Variants in RABGEF1 observed in about 807,000 individuals in gnomAD.
RABGEF1 encodes RAB guanine nucleotide exchange factor 1.
In RABGEF1, 26 loss-of-function variants were observed where a neutral mutation model predicts 57.3. The ratio of observed to expected loss-of-function variants is 0.45; its 90% CI spans 0.33 to 0.63. The LOEUF (loss-of-function observed/expected upper bound fraction) is 0.63. Ranked by LOEUF, RABGEF1 falls within the 20% of genes least tolerant of loss-of-function variation. RABGEF1 has a pLI of 0.02. For synonymous variants in RABGEF1, 185 were observed against 210.7 expected, an observed-to-expected ratio of 0.88 and a Z score of 1.06; for missense variants, 464 against 607.6, an observed-to-expected ratio of 0.76 and a Z score of 2.48.
At chr7:66,721,300 T>C (rs563324346) in intron 2 of RABGEF1, among the ~76,000 whole-genome samples, 26 of 152,356 alleles carry the variant, frequency 1.7e-4, no homozygotes, top group Admixed American at 5.9e-4. Flanking sequence ...ATTAGTGTCT[T>C]ACTGCTACTC....
intron 1 of RABGEF1, among the ~76,000 whole-genome samples, chr7:66,753,701 G>GTTTTTTTTTTTTTTTTTTT (rs1224800315): frequency 2.5e-5 from 2 of 78,772 alleles, no homozygotes; most frequent in East Asian, 5.0e-4. Context: ...TTTTGCCATC[G>GTTTTTTTTTTTTTTTTTTT]TTTTTTTTTT....
intron 2 of RABGEF1, among the ~76,000 whole-genome samples, chr7:66,717,485 T>C (rs62466789): frequency 0.039 from 5,996 of 152,194 alleles, 165 homozygotes; most frequent in East Asian, 0.085. Flanking sequence ...GGCCAGGGCG[T>C]GGTGGCTCAC....
At chr7:66,703,930 C>G (rs192742416) in intron 1 of RABGEF1, among the ~76,000 whole-genome samples, 1 of 152,156 alleles carries the variant, frequency 6.6e-6, no homozygotes, top group African/African-American at 2.4e-5. Context: ...GAACATGGGA[C>G]GCTTTCCCAT....
intron 1 of RABGEF1, among the ~76,000 whole-genome samples, chr7:66,705,415 C>T (rs1793867735): frequency 8.4e-6 from 1 of 118,976 alleles, no homozygotes; most frequent in Non-Finnish European, 1.6e-5. Context: ...CCAGCCTGGG[C>T]AACAGAGCGA....
chr7:66,709,689 C>T (rs1333442562), intron 1 of RABGEF1, among the ~76,000 whole-genome samples: 13 of 152,068 alleles, frequency 8.5e-5, no homozygotes, highest in African/African-American at 2.2e-4. Context: ...GCAGGAGAAT[C>T]GCTTGAACCT....
At chr7:66,676,071 A>G in the RABGEF1 span, among the ~76,000 whole-genome samples, 2 of 152,158 alleles carry the variant, frequency 1.3e-5, no homozygotes, top group Non-Finnish European at 2.9e-5. Context: ...CTCTAATCCC[A>G]GCACTTTGGG....
At chr7:66,745,785 A>T (rs1800078730) in intron 1 of RABGEF1, among the ~76,000 whole-genome samples, 1 of 151,656 alleles carries the variant, frequency 6.6e-6, no homozygotes, top group Admixed American at 6.6e-5. Context: ...AAAAAAAAAA[A>T]AGTGATCACA....
chr7:66,670,335 T>G, the RABGEF1 span, among the ~76,000 whole-genome samples: 1 of 151,908 alleles, frequency 6.6e-6, no homozygotes, highest in Non-Finnish European at 1.5e-5. Flanking sequence ...TTGTTTGAGA[T>G]GGAGTCTCAT....
intron 3 of RABGEF1, among the ~76,000 whole-genome samples, 155 bp from the exon 4 acceptor site, chr7:66,783,520 G>A (rs1048522723): frequency 4.0e-4 from 61 of 152,140 alleles, no homozygotes; most frequent in Non-Finnish European, 7.1e-4. Flanking sequence ...TTTACTTTAA[G>A]GAAAGTTGTC....
At position 66,709,411 on chromosome 7, in the gene RABGEF1, A is replaced by C. The variant is rs145248247; in HGVS notation, c.-872-2756A>C. On this transcript the variant is annotated intron_variant and NMD_transcript_variant, in intron 1 of 9. Coordinates refer to the RABGEF1 transcript ENST00000607882. ...AATTTTCCTACCCATTACAGTGTACATAAGCATCACTATAACTAGTGCTAT... is the reference window on the plus strand; with the variant it reads ...AATTTTCCTACCCATTACAGTGTACCTAAGCATCACTATAACTAGTGCTAT... 4.8e-3 allele frequency among the ~76,000 whole-genome samples: 725 copies of C among 152,348 alleles called. 5 individuals are homozygous for C. Among genetic ancestry groups the C allele is most frequent in the Non-Finnish European group, 7.6e-3 (515 of 68,042 alleles).
intron 1 of RABGEF1, among the ~76,000 whole-genome samples, chr7:66,701,712 T>C (rs1273229548): frequency 6.6e-6 from 1 of 152,060 alleles, no homozygotes; most frequent in Non-Finnish European, 1.5e-5. Context: ...TTTCACCATG[T>C]TGGCCAGGCT....
In RABGEF1 at chr7:66,809,040, A is replaced by G. The variant is rs200112167; in HGVS notation, c.1232A>G (p.Tyr411Cys). Residue 411 changes from tyrosine to cysteine, a missense_variant, in exon 9 of 9, where the codon TAT (tyrosine) becomes TGT (cysteine). By Grantham distance (194) the Tyr-to-Cys change is radical. This residue lies in a region of RABGEF1 where 151 missense variants were observed against 152.2 expected (regional missense o/e 0.99). Coordinates refer to ENST00000284957, the MANE Select transcript of RABGEF1 (RefSeq NM_014504.3). ...PDACLGVKQM[Y>C]KNLDLLSQLN... ...GCTTGCTTAGGCGTCAAGCAAATGT[A>G]TAAGAACTTGGATCTCTTGTCTCAG... The G allele has an allele frequency of 5.3e-5, 86 of 1,614,200 alleles. No individual in the cohort carries two copies. The highest frequency in any genetic ancestry group is 6.7e-5 in the African/African-American group (5 of 75,062).
the RABGEF1 span, among the ~76,000 whole-genome samples, chr7:66,660,461 C>T: frequency 1.3e-5 from 2 of 151,818 alleles, no homozygotes; most frequent in Non-Finnish European, 2.9e-5. Context: ...AATTGAATAA[C>T]CAAATGAAAT....
rs925113306 is a variant in RABGEF1 at position 66,742,611 on chromosome 7, AATTT to A, written c.-18+1827_-18+1830del. On this transcript the variant is annotated intron_variant, in intron 1 of 8. Coordinates refer to ENST00000284957, the MANE Select transcript of RABGEF1 (RefSeq NM_014504.3). ...CAGTAACTACAAGGAGGTGCCTATT[AATTT>A]ATTTATTGAGAGAGAGGGTCTCACT... 1.1e-4 allele frequency among the ~76,000 whole-genome samples: 17 copies of A among 152,180 alleles called. No homozygotes were observed. In the South Asian group the frequency reaches 3.1e-3, roughly 28 times the overall value.
chr7:66,678,331 C>T (rs376820951), upstream of RABGEF1, among the ~76,000 whole-genome samples: 6 of 151,792 alleles, frequency 4.0e-5, no homozygotes, highest in Middle Eastern at 3.4e-3. Context: ...TTTGGGAGGC[C>T]GAGGTGGGCG....
chr7:66,762,305 T>G (rs1468334158), intron 1 of RABGEF1, among the ~76,000 whole-genome samples: 1 of 152,088 alleles, frequency 6.6e-6, no homozygotes, highest in Non-Finnish European at 1.5e-5. Context: ...AAATAGGACA[T>G]GGAGGCTGGG....
intron 1 of RABGEF1, among the ~76,000 whole-genome samples, chr7:66,743,420 G>C (rs1799472336): frequency 6.6e-6 from 1 of 151,766 alleles, no homozygotes; most frequent in African/African-American, 2.4e-5. Flanking sequence ...CACCACCCAT[G>C]CTTAAGCTAT....
At chr7:66,756,956 G>A (rs6970767) in intron 1 of RABGEF1, among the ~76,000 whole-genome samples, 31,520 of 151,964 alleles carry the variant, frequency 0.21, 3,824 homozygotes, top group East Asian at 0.31. Flanking sequence ...GTCTGTTCTT[G>A]TGTTCACAGT....
At chr7:66,743,662 T>C (rs939089242) in intron 1 of RABGEF1, among the ~76,000 whole-genome samples, 2 of 152,058 alleles carry the variant, frequency 1.3e-5, no homozygotes, top group African/African-American at 4.8e-5. Flanking sequence ...CCACCATGCC[T>C]GGCTAATTTT....
Sources: gnomAD v4.1 joint callset for allele counts (sites outside exome capture counted in the v4.1 genomes callset) on GRCh38, gnomAD v4.1.1 for gene constraint, gnomAD v4.1.1 regional missense constraint, MANE v1.5 for transcripts, NCBI Gene and HGNC (gene_info 2026-07-23, HGNC 2026-07-21) for gene names.